Variants in METTL8 observed in about 807,000 individuals in gnomAD.
METTL8 encodes the protein methyltransferase 8, tRNA N3-cytidine.
A neutral mutation model predicts 48.7 loss-of-function variants in METTL8; 32 were observed. The observed-to-expected ratio is 0.66, with a 90% CI of 0.50 to 0.88. The LOEUF is 0.88. METTL8 is among the 40% of genes least tolerant of loss of function. The probability of loss-of-function intolerance (pLI) is 0.00; values close to 1 mark genes in which losing one functional copy is unlikely to be tolerated. For synonymous variants in METTL8, 136 were observed against 157.1 expected (o/e 0.87, Z 1.01); for missense variants, 464 against 474.4 (o/e 0.98, Z 0.20).
At chr2:171,414,164 T>C (rs1691039199) in intron 1 of METTL8, among the ~76,000 whole-genome samples, 1 of 152,190 alleles carries the variant, frequency 6.6e-6, no homozygotes, top group Admixed American at 6.5e-5. Flanking sequence ...ATCCCTGTAA[T>C]TCCAGCCCTT....
intron 1 of METTL8, among the ~76,000 whole-genome samples, chr2:171,429,589 A>G (rs936079265): frequency 6.6e-6 from 1 of 152,238 alleles, no homozygotes; most frequent in Non-Finnish European, 1.5e-5. Context: ...TCGGTGTATA[A>G]AAGATACAAC....
At chr2:171,432,722 A>G (rs1035598328) in intron 1 of METTL8, among the ~76,000 whole-genome samples, 39 of 152,234 alleles carry the variant, frequency 2.6e-4, no homozygotes, top group Non-Finnish European at 4.4e-4. Flanking sequence ...GATATGGCCA[A>G]TGTTTACTAA....
At chr2:171,332,942 G>C (rs1005120427) in intron 5 of METTL8, 3 of 152,088 alleles carry the variant, frequency 2.0e-5, no homozygotes, top group Non-Finnish European at 4.4e-5. Context: ...AGGATAAAAA[G>C]GTGGGCCTTG....
At chr2:171,353,895 G>A (rs536060020) in intron 3 of METTL8, among the ~76,000 whole-genome samples, 1 of 152,170 alleles carries the variant, frequency 6.6e-6, no homozygotes, top group South Asian at 2.1e-4. Flanking sequence ...CACACTGATG[G>A]GTCTTGACTC....
chr2:171,419,333 T>G (rs1366550081), intron 1 of METTL8, among the ~76,000 whole-genome samples: 4 of 152,192 alleles, frequency 2.6e-5, no homozygotes. Flanking sequence ...TGTGTTTCTA[T>G]ATGCATTCAT....
In METTL8 at chr2:171,318,136, G is replaced by A. The variant is rs1279140078; in HGVS notation, c.*6036C>T. 2 of 152,060 alleles carry A rather than the reference G, an allele frequency of 1.3e-5. No individual in the cohort carries two copies. Among genetic ancestry groups the A allele is most frequent in the Non-Finnish European group, 2.9e-5 (2 of 68,018 alleles). 9.4% of individuals were successfully genotyped at this position (152,060 alleles called of 1,614,324 possible). ...CATCCACTTTTCTCTGTAGCTTTGA[G>A]GCCACAATATAGATTCATTATAAAT... On this transcript the variant is annotated 3_prime_UTR_variant, in exon 10 of 10. Transcript: ENST00000375258.
chr2:171,344,028 C>G (rs1687034939), intron 3 of METTL8, among the ~76,000 whole-genome samples: 1 of 152,052 alleles, frequency 6.6e-6, no homozygotes, highest in Non-Finnish European at 1.5e-5. Flanking sequence ...GCTAATATAC[C>G]TATTTTCAAG....
chr2:171,386,724 C>T (rs1469157265), intron 2 of METTL8, among the ~76,000 whole-genome samples: 1 of 152,246 alleles, frequency 6.6e-6, no homozygotes, highest in East Asian at 1.9e-4. Context: ...CTGGCTAGGG[C>T]TCCACCCACA....
At chr2:171,387,166 C>T (rs1009646074) in intron 2 of METTL8, among the ~76,000 whole-genome samples, 1 of 152,172 alleles carries the variant, frequency 6.6e-6, no homozygotes, top group Non-Finnish European at 1.5e-5. Context: ...ACTGAGCTAA[C>T]ACAAGCTGCC....
At chr2:171,333,093 T>G (rs562463972) in intron 5 of METTL8, among the ~76,000 whole-genome samples, 1 of 131,898 alleles carries the variant, frequency 7.6e-6, no homozygotes, top group Non-Finnish European at 1.7e-5. Flanking sequence ...CTCTTTTTTT[T>G]TCTTTTCTTT....
chr2:171,366,133 T>A (rs1344265012), intron 2 of METTL8, among the ~76,000 whole-genome samples: 2 of 152,028 alleles, frequency 1.3e-5, no homozygotes, highest in African/African-American at 4.8e-5. Context: ...CGCCACAGGA[T>A]CTAGTAGAAG....
chr2:171,415,105 T>C (rs192976371), intron 1 of METTL8, among the ~76,000 whole-genome samples: 7 of 152,292 alleles, frequency 4.6e-5, no homozygotes, highest in Non-Finnish European at 8.8e-5. Context: ...CTGGGGTATG[T>C]CTTTATCAGC....
intron 1 of METTL8, among the ~76,000 whole-genome samples, chr2:171,426,934 C>T (rs1692480190): frequency 2.6e-5 from 4 of 152,212 alleles, no homozygotes; most frequent in Admixed American, 6.5e-5. Flanking sequence ...CCCCTACCTA[C>T]TTCTGAGATC....
intron 2 of METTL8, chr2:171,375,373 C>T (rs995370106): frequency 1.6e-6 from 1 of 627,740 alleles, no homozygotes; most frequent in African/African-American, 1.8e-5. Context: ...CCTAAACAAA[C>T]AAATAAACTG....
At chr2:171,395,580 C>T (rs1688984545) in intron 1 of METTL8, among the ~76,000 whole-genome samples, 1 of 152,076 alleles carries the variant, frequency 6.6e-6, no homozygotes, top group Non-Finnish European at 1.5e-5. Flanking sequence ...AATGAAAAGA[C>T]TATTATAGAG....
At chr2:171,416,919 G>GGTAA (rs1691370033) in intron 1 of METTL8, among the ~76,000 whole-genome samples, 1 of 152,152 alleles carries the variant, frequency 6.6e-6, no homozygotes, top group Non-Finnish European at 1.5e-5. Flanking sequence ...TTAGCAGAGA[G>GGTAA]GTAAAAGACC....
At chr2:171,392,584 A>G (rs1194924204) in intron 1 of METTL8, among the ~76,000 whole-genome samples, 4 of 152,176 alleles carry the variant, frequency 2.6e-5, no homozygotes, top group Admixed American at 2.6e-4. Flanking sequence ...TTTCTAGGAA[A>G]TATTTTGTGA....
rs764506776 is a variant in METTL8 at position 171,339,181 on chromosome 2, T to C, written c.606+3A>G. On this transcript the variant is annotated splice_donor_region_variant and intron_variant, in intron 4 of 9. Coordinates refer to ENST00000375258, the MANE Select transcript of METTL8 (RefSeq NM_001321154.2). ...TCCCATTTTTGTCCCTTGAGCACAA[T>C]ACCTCTAGTATCCTGAAAGTGGCAT... The C allele has an allele frequency of 1.3e-6, 2 of 1,482,362 alleles. No homozygotes were observed. Among genetic ancestry groups the C allele is most frequent in the African/African-American group, 2.8e-5 (2 of 71,690 alleles). The allele number at this position is 1,482,362 out of a possible 1,614,324, so 91.8% of individuals were successfully genotyped here.
chr2:171,422,506 C>A (rs956988696), intron 1 of METTL8, among the ~76,000 whole-genome samples: 1 of 152,126 alleles, frequency 6.6e-6, no homozygotes, highest in Non-Finnish European at 1.5e-5. Flanking sequence ...ATGTGAGCTT[C>A]TTTTTTTATA....
Sources: allele counts gnomAD v4.1 joint callset (sites outside exome capture counted in the v4.1 genomes callset), GRCh38; gene constraint gnomAD v4.1.1; transcripts MANE v1.5; gene names NCBI Gene and HGNC (gene_info 2026-07-23, HGNC 2026-07-21).